PTP4A1: variants seen among roughly 807,000 people sequenced by gnomAD.
PTP4A1 encodes the protein protein tyrosine phosphatase 4A1.
In PTP4A1, 9 loss-of-function variants were observed where a neutral mutation model predicts 20.5. The observed-to-expected ratio is 0.44, with a 90% confidence interval of 0.26 to 0.77. PTP4A1 has a LOEUF of 0.77. PTP4A1 is among the 30% of genes least tolerant of loss of function. PTP4A1 has a pLI of 0.19. For missense variants in PTP4A1, 137 were observed against 218.8 expected (o/e 0.63, Z 2.36); for synonymous variants, 78 against 67.4 (o/e 1.16, Z -0.77).
rs550456384 is a variant in PTP4A1, at chr6:63,579,855, C to T, written c.405-202C>T. Among the ~76,000 whole-genome samples the T allele has an allele frequency of 6.6e-5, 10 of 152,208 alleles. No individual in the cohort carries two copies. In the East Asian group the frequency reaches 7.7e-4, roughly 12 times the overall value. ...TCGACTGTTGTAACCAATACTCAAA[C>T]GAAGATATAAAGAAAATTAACTTTT... On this transcript the variant is annotated intron_variant, in intron 5 of 5. Transcript: ENST00000626021.
At chr6:63,531,569 A>C (rs1416137512) in intron 2 of PTP4A1, among the ~76,000 whole-genome samples, 1 of 136,856 alleles carries the variant, frequency 7.3e-6, no homozygotes, top group African/African-American at 2.8e-5. Flanking sequence ...AGCTCACTGC[A>C]GCCTCAACCT....
At chr6:63,538,917 G>C (rs1775834222) in intron 2 of PTP4A1, among the ~76,000 whole-genome samples, 1 of 152,064 alleles carries the variant, frequency 6.6e-6, no homozygotes, top group South Asian at 2.1e-4. Context: ...TTTTGAGATG[G>C]AGTCTCACTC....
intron 2 of PTP4A1, among the ~76,000 whole-genome samples, chr6:63,533,052 A>G (rs939613825): frequency 6.6e-6 from 1 of 152,190 alleles, no homozygotes; most frequent in Non-Finnish European, 1.5e-5. Flanking sequence ...ATCTATAAGC[A>G]TTCATTTTCT....
chr6:63,577,782 C>A (rs1407223367), intron 2 of PTP4A1, among the ~76,000 whole-genome samples: 1 of 151,732 alleles, frequency 6.6e-6, no homozygotes, highest in Non-Finnish European at 1.5e-5. Context: ...GAACTCCTGA[C>A]CTCAGGTGAG....
chr6:63,528,608 G>A (rs1216115312), intron 2 of PTP4A1, among the ~76,000 whole-genome samples: 1 of 151,730 alleles, frequency 6.6e-6, no homozygotes, highest in African/African-American at 2.4e-5. Flanking sequence ...AACTAGCCAG[G>A]CATGGCGGCA....
At chr6:63,537,927 A>G (rs912095607) in intron 2 of PTP4A1, among the ~76,000 whole-genome samples, 5 of 152,244 alleles carry the variant, frequency 3.3e-5, no homozygotes, top group East Asian at 1.9e-4. Context: ...CCCAGACAGG[A>G]GTTTAAAAGA....
intron 3 of PTP4A1, among the ~76,000 whole-genome samples, chr6:63,562,833 T>C (rs1337371790): frequency 6.6e-6 from 1 of 152,238 alleles, no homozygotes; most frequent in East Asian, 1.9e-4. Context: ...TTATTTATTT[T>C]AAGTTTCTGG....
intron 2 of PTP4A1, chr6:63,548,808 C>T (rs537230815): frequency 1.8e-5 from 13 of 736,974 alleles, no homozygotes; most frequent in African/African-American, 6.9e-5. Flanking sequence ...CCAGTGACGG[C>T]GGATCTCATT....
At chr6:63,536,913 A>C (rs895196460) in intron 2 of PTP4A1, among the ~76,000 whole-genome samples, 1 of 152,136 alleles carries the variant, frequency 6.6e-6, no homozygotes, top group Non-Finnish European at 1.5e-5. Context: ...TCAAAGCAAA[A>C]AGCTCTATGA....
At chr6:63,532,675 T>C (rs1207908616) in intron 2 of PTP4A1, among the ~76,000 whole-genome samples, 1 of 152,104 alleles carries the variant, frequency 6.6e-6, no homozygotes, top group Admixed American at 6.6e-5. Flanking sequence ...GGGGAGGAAG[T>C]TGGAGAGTGA....
intron 3 of PTP4A1, among the ~76,000 whole-genome samples, chr6:63,559,340 G>T (rs1581935604): frequency 6.6e-6 from 1 of 152,136 alleles, no homozygotes; most frequent in East Asian, 1.9e-4. Flanking sequence ...AAAGCTATTT[G>T]ACAGTTTCAT....
At chr6:63,578,807 T>C in intron 3 of PTP4A1, 91 bp from the exon 4 acceptor site, 1 of 1,281,100 alleles carries the variant, frequency 7.8e-7, no homozygotes, top group Non-Finnish European at 1.0e-6. Flanking sequence ...ATGAGAATGC[T>C]TTTGAAAACA....
At chr6:63,516,962 G>C (rs551649118), upstream of PTP4A1, among the ~76,000 whole-genome samples, 1 of 152,194 alleles carries the variant, frequency 6.6e-6, no homozygotes, top group African/African-American at 2.4e-5. Context: ...GACTCTTCTG[G>C]ATTTCTTGAA....
chr6:63,554,745 CCACTA>C (rs1776603303), intron 3 of PTP4A1, among the ~76,000 whole-genome samples: 3 of 152,106 alleles, frequency 2.0e-5, no homozygotes, highest in Non-Finnish European at 1.5e-5. Flanking sequence ...TGAAATCGCA[CCACTA>C]CACTCTAGCC....
At chr6:63,521,949 TAG>T (rs1217883737) in intron 1 of PTP4A1, 1 of 152,246 alleles carries the variant, frequency 6.6e-6, no homozygotes, top group Non-Finnish European at 1.5e-5. Flanking sequence ...GAATAATTCA[TAG>T]AGAGTTCTGA....
At chr6:63,552,238 G>A (rs1409830196) in intron 3 of PTP4A1, among the ~76,000 whole-genome samples, 7 of 152,248 alleles carry the variant, frequency 4.6e-5, no homozygotes, top group Non-Finnish European at 1.0e-4. Context: ...ACTGGTGTGA[G>A]ATGGTATCTC....
intron 1 of PTP4A1, among the ~76,000 whole-genome samples, chr6:63,526,816 T>TATAC (rs1775202909): frequency 7.0e-6 from 1 of 141,964 alleles, no homozygotes; most frequent in Non-Finnish European, 1.5e-5. Context: ...TATATATATA[T>TATAC]ATATATATAT....
At chr6:63,574,594 T>G (rs1777729968) in intron 1 of PTP4A1, among the ~76,000 whole-genome samples, 1 of 152,348 alleles carries the variant, frequency 6.6e-6, no homozygotes, top group East Asian at 1.9e-4. Context: ...CATGAAGGGA[T>G]ATGGCCAGAC....
intron 2 of PTP4A1, among the ~76,000 whole-genome samples, chr6:63,578,044 G>C (rs78046246): frequency 1.3e-5 from 2 of 151,862 alleles, no homozygotes; most frequent in African/African-American, 4.8e-5. Context: ...CAGATTACCC[G>C]ATTAGTTATA....
Sources: allele counts gnomAD v4.1 joint callset (sites outside exome capture counted in the v4.1 genomes callset), GRCh38; gene constraint gnomAD v4.1.1; transcripts MANE v1.5; gene names NCBI Gene and HGNC (gene_info 2026-07-23, HGNC 2026-07-21).